CPA6: variants seen among roughly 807,000 people sequenced by gnomAD.
The protein encoded by CPA6 is carboxypeptidase A6, also known as carboxypeptidase B.
CPA6 carries 58 observed loss-of-function variants against 63.3 expected under a neutral mutation model. The ratio of observed to expected loss-of-function variants is 0.92; its 90% CI spans 0.74 to 1.14. The LOEUF (loss-of-function observed/expected upper bound fraction) is 1.14, where lower values mean the gene tolerates loss of function less well. CPA6 is among the 50% of genes most tolerant of loss of function. The pLI is 0.00. For missense variants in CPA6, 565 were observed against 526.6 expected (o/e 1.07, Z -0.71); for synonymous variants, 185 against 179.0 (o/e 1.03, Z -0.27).
intron 2 of CPA6, among the ~76,000 whole-genome samples, chr8:67,538,820 C>T (rs921319159): frequency 3.0e-4 from 46 of 151,876 alleles, no homozygotes; most frequent in Admixed American, 9.2e-4. Context: ...CCACTATGCC[C>T]GGCTAATTTT....
At chr8:67,698,983 G>A (rs1209697532) in intron 1 of CPA6, among the ~76,000 whole-genome samples, 2 of 152,210 alleles carry the variant, frequency 1.3e-5, no homozygotes, top group African/African-American at 4.8e-5. Flanking sequence ...CACAAGGTAA[G>A]CAGTGCAATC....
At chr8:67,600,643 A>G (rs1022430832) in intron 2 of CPA6, among the ~76,000 whole-genome samples, 3 of 152,160 alleles carry the variant, frequency 2.0e-5, no homozygotes, top group Non-Finnish European at 4.4e-5. Context: ...ATAATTTTTA[A>G]AAAGAGCCAT....
intron 1 of CPA6, among the ~76,000 whole-genome samples, chr8:67,663,009 G>A (rs545089733): frequency 8.5e-5 from 13 of 152,226 alleles, no homozygotes; most frequent in African/African-American, 2.9e-4. Flanking sequence ...GTGAGGCTGC[G>A]GGCCACTGTT....
At chr8:67,536,736 G>A (rs1812593492) in intron 2 of CPA6, among the ~76,000 whole-genome samples, 1 of 152,122 alleles carries the variant, frequency 6.6e-6, no homozygotes, top group South Asian at 2.1e-4. Flanking sequence ...ATACTATGTT[G>A]AATAGGATTG....
At chr8:67,434,942 C>A (rs1810115364) in intron 8 of CPA6, among the ~76,000 whole-genome samples, 1 of 152,244 alleles carries the variant, frequency 6.6e-6, no homozygotes, top group African/African-American at 2.4e-5. Flanking sequence ...GGCGCCTGCG[C>A]CCAGACCCTG....
At chr8:67,472,407 C>CTTATT (rs1563965925) in intron 8 of CPA6, among the ~76,000 whole-genome samples, 5 of 46,068 alleles carry the variant, frequency 1.1e-4, no homozygotes, top group South Asian at 9.7e-4. Context: ...TTTATTTTAT[C>CTTATT]TTATCTTATT....
At chr8:67,714,047 G>T (rs1029158621) in intron 1 of CPA6, among the ~76,000 whole-genome samples, 2 of 151,904 alleles carry the variant, frequency 1.3e-5, no homozygotes, top group Non-Finnish European at 2.9e-5. Context: ...AAATATCAAG[G>T]TTAAAATTTT....
chr8:67,559,570 A>G (rs577195137), intron 2 of CPA6, among the ~76,000 whole-genome samples: 3 of 152,148 alleles, frequency 2.0e-5, no homozygotes, highest in Admixed American at 2.0e-4. Flanking sequence ...TTAAAATTTT[A>G]TAGGAAAAGG....
chr8:67,606,724 G>GCT (rs1257462660), intron 2 of CPA6, among the ~76,000 whole-genome samples: 2 of 152,176 alleles, frequency 1.3e-5, no homozygotes, highest in Admixed American at 6.5e-5. Context: ...CCCAGCATCT[G>GCT]CTCTCTGATA....
chr8:67,661,135 C>T (rs941179548), intron 1 of CPA6, among the ~76,000 whole-genome samples: 16 of 152,132 alleles, frequency 1.1e-4, no homozygotes, highest in Admixed American at 2.6e-4. Context: ...GGGAGGAGAA[C>T]ACAGAGTGCC....
intron 9 of CPA6, among the ~76,000 whole-genome samples, chr8:67,431,661 C>T (rs1048750653): frequency 5.3e-5 from 8 of 152,104 alleles, no homozygotes; most frequent in East Asian, 1.9e-4. Flanking sequence ...GTTAGGGTGC[C>T]GGGTCAACAA....
At chr8:67,570,652 G>A (rs1813464364) in intron 2 of CPA6, among the ~76,000 whole-genome samples, 2 of 152,126 alleles carry the variant, frequency 1.3e-5, no homozygotes, top group African/African-American at 4.8e-5. Flanking sequence ...GATATTCTGT[G>A]TAAACTTCAT....
At chr8:67,681,278 C>G (rs574007642) in intron 1 of CPA6, among the ~76,000 whole-genome samples, 1 of 135,184 alleles carries the variant, frequency 7.4e-6, no homozygotes, top group African/African-American at 3.1e-5. Flanking sequence ...GGCGCAATCT[C>G]GGCTCACTGC....
At chr8:67,514,365 G>A (rs1004625904) in intron 3 of CPA6, among the ~76,000 whole-genome samples, 4 of 152,134 alleles carry the variant, frequency 2.6e-5, no homozygotes, top group Non-Finnish European at 5.9e-5. Context: ...TGATCACCTA[G>A]GGGCCAGACA....
rs574373917 is a variant in CPA6 at position 67,498,523 on chromosome 8, G to A, written c.636+8264C>T. ...TACACTCCAACCTGGGTGACAGAGC[G>A]AGACTCCATCTCAAAAAAAAAAAAA... is the stretch of plus-strand genomic sequence containing the variant. On this transcript the variant is annotated intron_variant, in intron 6 of 10. Transcript: ENST00000297770. Among the ~76,000 whole-genome samples, 135 of 117,944 alleles carry A rather than the reference G, an allele frequency of 1.1e-3. 1 individual carries two copies. Among genetic ancestry groups the A allele is most frequent in the African/African-American group, 4.3e-3 (128 of 30,026 alleles). The allele number at this position is 117,944 out of a possible 152,430, so 77.4% of individuals were successfully genotyped here. A position where few individuals can be genotyped will look rare whatever the true frequency, so the allele number is the denominator to read the frequency against.
chr8:67,472,928 C>T (rs763829887), intron 8 of CPA6, among the ~76,000 whole-genome samples: 2 of 152,116 alleles, frequency 1.3e-5, no homozygotes, highest in Non-Finnish European at 2.9e-5. Flanking sequence ...AAATGAGTCT[C>T]AAGCATTATT....
At chr8:67,526,820 T>C (rs563556365) in intron 2 of CPA6, among the ~76,000 whole-genome samples, 1 of 152,276 alleles carries the variant, frequency 6.6e-6, no homozygotes, top group East Asian at 1.9e-4. Context: ...AAAGAGCCAA[T>C]ACCACCTTAG....
chr8:67,615,002 A>T (rs1357523266), intron 2 of CPA6, among the ~76,000 whole-genome samples: 1 of 152,168 alleles, frequency 6.6e-6, no homozygotes, highest in East Asian at 1.9e-4. Flanking sequence ...ATATTTAATA[A>T]TTAAATTCGA....
At chr8:67,716,151 C>CAAAAAA (rs56275918) in intron 1 of CPA6, among the ~76,000 whole-genome samples, 3 of 76,548 alleles carry the variant, frequency 3.9e-5, no homozygotes, top group African/African-American at 2.0e-4. Flanking sequence ...GAGCTTGTCT[C>CAAAAAA]AAAAAAAAAA....
Sources: gnomAD v4.1 joint callset for allele counts (sites outside exome capture counted in the v4.1 genomes callset) on GRCh38, gnomAD v4.1.1 for gene constraint, MANE v1.5 for transcripts, NCBI Gene and HGNC (gene_info 2026-07-23, HGNC 2026-07-21) for gene names.